EPHB1: variants seen among roughly 807,000 people sequenced by gnomAD.
EPHB1 encodes EPH receptor B1, also known as ephrin type-B receptor 1.
In EPHB1, 30 loss-of-function variants were observed where a neutral mutation model predicts 94.4. That is an observed-to-expected ratio of 0.32 (90% CI 0.24 to 0.43). The LOEUF (loss-of-function observed/expected upper bound fraction) is 0.43, where lower values mean the gene tolerates loss of function less well. Ranked by LOEUF, EPHB1 falls within the 20% of genes least tolerant of loss-of-function variation. EPHB1 has a pLI of 1.00. For missense variants in EPHB1, 1,055 were observed against 1,308.3 expected, an observed-to-expected ratio of 0.81 and a Z score of 2.99; for synonymous variants, 522 against 489.1, an observed-to-expected ratio of 1.07 and a Z score of -0.89.
Position 135,114,275 on chromosome 3 carries a change from G to A in EPHB1, c.961+7672G>A, listed in dbSNP as rs144224652. Among the ~76,000 whole-genome samples the A allele has an allele frequency of 1.8e-3, 270 of 152,206 alleles. 2 individuals are homozygous for A. Among genetic ancestry groups the A allele is most frequent in the Middle Eastern group, 3.4e-3 (1 of 294 alleles). ...TGTGGGCTCTGGAGCCTGTGCCCAG[G>A]TTCAAGTCCTGCTCTACTACTGAAC... On this transcript the variant is annotated intron_variant, in intron 4 of 15. Coordinates refer to ENST00000398015, the MANE Select transcript of EPHB1 (RefSeq NM_004441.5).
intron 3 of EPHB1, among the ~76,000 whole-genome samples, chr3:135,001,327 G>C (rs1378165797): frequency 2.0e-5 from 3 of 152,238 alleles, no homozygotes; most frequent in Non-Finnish European, 2.9e-5. Flanking sequence ...AGTGAGCTCT[G>C]TGTTTGAAGA....
chr3:135,166,261 A>C (rs1941649638), intron 8 of EPHB1, among the ~76,000 whole-genome samples, 185 bp downstream of exon 8: 1 of 152,176 alleles, frequency 6.6e-6, no homozygotes, highest in South Asian at 2.1e-4. Flanking sequence ...TTCATATGAG[A>C]GCTGGGCAAG....
chr3:135,248,852 C>A lies in EPHB1; in HGVS notation c.2690+343C>A, dbSNP rs191686378. 2.7e-4 allele frequency among the ~76,000 whole-genome samples: 41 copies of A among 151,902 alleles called. No individual in the cohort carries two copies. The East Asian group carries it at 7.3e-3, about 27-fold the overall frequency. On this transcript the variant is annotated intron_variant, in intron 14 of 15. Coordinates refer to ENST00000398015, the MANE Select transcript of EPHB1 (RefSeq NM_004441.5). ...AGCACCCGGATTTCTGGTTTGGATA[C>A]CTGGGTGTCTGCTTTGAAAATGTGC... is the stretch of plus-strand genomic sequence containing the variant.
intron 3 of EPHB1, among the ~76,000 whole-genome samples, chr3:134,964,003 C>T (rs1196164774): frequency 4.6e-5 from 7 of 152,180 alleles, no homozygotes; most frequent in Middle Eastern, 3.2e-3. Context: ...CTCACATTCC[C>T]GTTCCTCTAC....
intron 1 of EPHB1, among the ~76,000 whole-genome samples, chr3:134,809,876 G>A (rs1054712776): frequency 6.6e-6 from 1 of 152,212 alleles, no homozygotes; most frequent in African/African-American, 2.4e-5. Context: ...AGAGAGTCCT[G>A]TCTTTGGACA....
chr3:135,062,438 A>T (rs1276708581), intron 3 of EPHB1, among the ~76,000 whole-genome samples: 22 of 152,172 alleles, frequency 1.4e-4, no homozygotes, highest in Non-Finnish European at 4.4e-5. Flanking sequence ...TTCCCTGATC[A>T]TTAGTGATGC....
chr3:134,933,779 C>CCAGTGAA (rs2038947624), intron 2 of EPHB1, among the ~76,000 whole-genome samples: 1 of 152,198 alleles, frequency 6.6e-6, no homozygotes, highest in Admixed American at 6.5e-5. Flanking sequence ...AAATGCTACC[C>CCAGTGAA]ATCGTGGTAT....
intron 12 of EPHB1, among the ~76,000 whole-genome samples, chr3:135,210,051 G>C (rs1297390785): frequency 1.3e-5 from 2 of 152,226 alleles, no homozygotes; most frequent in African/African-American, 4.8e-5. Flanking sequence ...GAGTGAGGAT[G>C]CTGGAGAGAA....
At chr3:135,073,705 T>C (rs1937806719) in intron 3 of EPHB1, among the ~76,000 whole-genome samples, 1 of 152,186 alleles carries the variant, frequency 6.6e-6, no homozygotes, top group Admixed American at 6.5e-5. Flanking sequence ...GGCTAAGAAG[T>C]TCCTTAAACT....
At chr3:134,838,291 C>T (rs1256526912) in intron 1 of EPHB1, among the ~76,000 whole-genome samples, 1 of 152,202 alleles carries the variant, frequency 6.6e-6, no homozygotes, top group Non-Finnish European at 1.5e-5. Context: ...CTGTCATCCT[C>T]TTCTGCAGGA....
chr3:135,250,024 A>G lies in EPHB1; in HGVS notation c.2846+533A>G, dbSNP rs111477690. Among the ~76,000 whole-genome samples the G allele has an allele frequency of 1.5e-3, 235 of 152,354 alleles. 1 individual carries two copies. Among genetic ancestry groups the G allele is most frequent in the African/African-American group, 5.4e-3 (224 of 41,582 alleles). On this transcript the variant is annotated intron_variant, in intron 15 of 15. Coordinates refer to ENST00000398015, the MANE Select transcript of EPHB1 (RefSeq NM_004441.5). Reference sequence around the variant, plus strand: ...TATTCAAATAAGACGAGAGCCAGAAAGAGTTTTAAAGATCCATGTGGTCCA... The same window carrying G: ...TATTCAAATAAGACGAGAGCCAGAAGGAGTTTTAAAGATCCATGTGGTCCA...
At chr3:135,253,930 T>A (rs1408361434) in intron 15 of EPHB1, among the ~76,000 whole-genome samples, 10 of 150,156 alleles carry the variant, frequency 6.7e-5, no homozygotes, top group African/African-American at 2.2e-4. Flanking sequence ...GTCCTTCACA[T>A]CCCTTGTAAG....
chr3:135,125,300 G>A (rs1559841550), intron 4 of EPHB1, among the ~76,000 whole-genome samples: 1 of 151,630 alleles, frequency 6.6e-6, no homozygotes, highest in Non-Finnish European at 1.5e-5. Context: ...ATCTTATTAT[G>A]ATGCCTGACA....
At chr3:135,247,350 C>CAT (rs1317954137) in intron 13 of EPHB1, among the ~76,000 whole-genome samples, 3 of 152,184 alleles carry the variant, frequency 2.0e-5, no homozygotes, top group African/African-American at 7.2e-5. Flanking sequence ...ACAGTATGAG[C>CAT]ATATTTCCAT....
chr3:134,963,542 G>C (rs1003080130), intron 3 of EPHB1, among the ~76,000 whole-genome samples: 2 of 152,172 alleles, frequency 1.3e-5, no homozygotes, highest in East Asian at 3.9e-4. Flanking sequence ...GTGACGGTGT[G>C]CTAGATGCTC....
intron 1 of EPHB1, among the ~76,000 whole-genome samples, chr3:134,800,306 A>AATC (rs2035912396): frequency 6.6e-6 from 1 of 152,204 alleles, no homozygotes; most frequent in Non-Finnish European, 1.5e-5. Flanking sequence ...ATGCTATTAA[A>AATC]ATCAAAGATA....
chr3:135,079,006 G>A lies in EPHB1; in HGVS notation c.806-27442G>A, dbSNP rs76322680. Reference sequence around the variant, plus strand: ...AGACAGCACAATGCTCCAATATCCAGCACCCAGCATTACAGTGTTAAGCCC... The same window carrying A: ...AGACAGCACAATGCTCCAATATCCAACACCCAGCATTACAGTGTTAAGCCC... On this transcript the variant is annotated intron_variant, in intron 3 of 15. Transcript: ENST00000398015. 7.5e-3 allele frequency among the ~76,000 whole-genome samples: 1,136 copies of A among 152,060 alleles called. 13 individuals carry two copies. Among genetic ancestry groups the A allele is most frequent in the African/African-American group, 0.026 (1,066 of 41,450 alleles).
intron 4 of EPHB1, among the ~76,000 whole-genome samples, chr3:135,126,034 T>C (rs1390674404): frequency 6.6e-6 from 1 of 152,170 alleles, no homozygotes; most frequent in Non-Finnish European, 1.5e-5. Context: ...AATCCTTATT[T>C]TGAAAATTGA....
intron 6 of EPHB1, among the ~76,000 whole-genome samples, chr3:135,154,965 T>A (rs1941306309): frequency 6.6e-6 from 1 of 152,190 alleles, no homozygotes; most frequent in South Asian, 2.1e-4. Context: ...GCCTTCCGTT[T>A]TAACCCAACA....
Sources: gnomAD v4.1 joint callset for allele counts (sites outside exome capture counted in the v4.1 genomes callset) on GRCh38, gnomAD v4.1.1 for gene constraint, MANE v1.5 for transcripts, NCBI Gene and HGNC (gene_info 2026-07-23, HGNC 2026-07-21) for gene names.